The following CACNG7 variants were observed in gnomAD, a reference collection of about 807,000 sequenced individuals.
CACNG7 encodes voltage-dependent calcium channel gamma-7 subunit.
A neutral mutation model predicts 26.3 loss-of-function variants in CACNG7; 9 were observed. That is an observed-to-expected ratio of 0.34 (90% confidence interval 0.21 to 0.60). The LOEUF (loss-of-function observed/expected upper bound fraction) is 0.60, where lower values mean the gene tolerates loss of function less well. Ranked by LOEUF, CACNG7 falls within the 20% of genes least tolerant of loss-of-function variation. CACNG7 has a pLI of 0.81. For missense variants in CACNG7, 297 were observed against 380.4 expected, an observed-to-expected ratio of 0.78 and a Z score of 1.82; for synonymous variants, 170 against 157.0, an observed-to-expected ratio of 1.08 and a Z score of -0.62.
chr19:53,939,814 TATG>T lies in CACNG7; in HGVS notation c.425-1653_425-1651del, dbSNP rs1362628901. Among the ~76,000 whole-genome samples the T allele has an allele frequency of 6.6e-6, 1 of 152,236 alleles. No individual in the cohort carries two copies. Among genetic ancestry groups the T allele is most frequent in the African/African-American group, 2.4e-5 (1 of 41,452 alleles). ...ACCTAGGAGTGGAATTGCTGGGTCA[TATG>T]ATAATTCTATCTTTAACTTTTTGAG... On this transcript the variant is annotated intron_variant, in intron 4 of 5. Coordinates refer to ENST00000391767, the MANE Select transcript of CACNG7 (RefSeq NM_031896.5). The surrounding 1 kb of genome is among the most constrained non-coding windows in gnomAD (Gnocchi z 4.2).
chr19:53,933,170 C>T (rs2069084437), intron 4 of CACNG7, among the ~76,000 whole-genome samples: 1 of 151,600 alleles, frequency 6.6e-6, no homozygotes, highest in Non-Finnish European at 1.5e-5. Flanking sequence ...TGCAGTGGTG[C>T]AATCTCGGCT....
chr19:53,942,099 C>A lies in CACNG7; in HGVS notation c.634C>A (p.Pro212Thr). 6.2e-7 allele frequency: 1 copy of A among 1,613,986 alleles called. No homozygotes were observed. The highest frequency in any genetic ancestry group is 1.3e-5 in the African/African-American group (1 of 75,028). Residue 212 changes from proline to threonine, a missense_variant, in exon 6 of 6, where the codon CCA (proline) becomes ACA (threonine). Physicochemically the swap from Pro to Thr is conservative, Grantham distance 38 (BLOSUM62 -1). Coordinates refer to ENST00000391767, the MANE Select transcript of CACNG7 (RefSeq NM_031896.5). The surrounding 1 kb of genome is among the most constrained non-coding windows in gnomAD (Gnocchi z 5.9). ...KRYAEEEMYR[P>T]HPAFYRPRLS... is the part of the protein sequence containing the mutation. ...CTACGCGGAGGAGGAGATGTACCGT[C>A]CACACCCGGCCTTCTACCGCCCGCG...
intron 4 of CACNG7, among the ~76,000 whole-genome samples, chr19:53,926,276 A>C (rs552593743): frequency 6.6e-6 from 1 of 151,976 alleles, no homozygotes; most frequent in Non-Finnish European, 1.5e-5. Context: ...CTCTGACCTC[A>C]TCTCCTCACC....
At chr19:53,915,017 TAAATA>T (rs2068886453) in intron 3 of CACNG7, among the ~76,000 whole-genome samples, 2 of 93,244 alleles carry the variant, frequency 2.1e-5, no homozygotes, top group Non-Finnish European at 5.0e-5. Flanking sequence ...AAAAAAAAAA[TAAATA>T]AAAGGAAGGA....
rs374274618 is a variant in CACNG7, at chr19:53,920,584, G to C, written c.424+5079G>C. Among the ~76,000 whole-genome samples the C allele has an allele frequency of 4.2e-3, 103 of 24,328 alleles. 5 individuals carry two copies. The highest frequency in any genetic ancestry group is 0.023 in the African/African-American group (48 of 2,046). 16.0% of individuals were successfully genotyped at this position (24,328 alleles called of 152,430 possible). On this transcript the variant is annotated intron_variant, in intron 4 of 5. Transcript: ENST00000391767. The stretch of plus-strand genomic sequence containing the variant: ...GAGTTGTCCCCAGGCCTGGTCATTG[G>C]TGGAGTTGCCCCAGGTCTGGTATTG...
rs995567915 is a variant in CACNG7 at position 53,914,873 on chromosome 19, G to A, written c.283+287G>A. Among the ~76,000 whole-genome samples the A allele has an allele frequency of 2.0e-5, 3 of 151,560 alleles. No individual in the cohort carries two copies. The East Asian group carries it at 5.8e-4, about 29-fold the overall frequency. ...AAAAATTAGCTGGGCGTGGTGGCGC[G>A]TGCCTGTAGTCCCAGCTACTCAGGA... On this transcript the variant is annotated intron_variant, in intron 3 of 5. Coordinates refer to ENST00000391767, the MANE Select transcript of CACNG7 (RefSeq NM_031896.5).
At position 53,914,543 on chromosome 19, in the gene CACNG7, ACCGGAGATCAATT is replaced by A. The variant is rs1225184771; in HGVS notation, c.241_253del (p.Pro81TrpfsTer2). On this transcript the variant is annotated frameshift_variant, in exon 3 of 6. Transcript: ENST00000391767. LOFTEE classifies it high-confidence loss of function. ...GTGTGGCCTCAGAATATTTTCTTGAACCGGAGATCAATTTGGTGACGGAAAACACGGAGAATAT... is the reference window on the plus strand; with the variant it reads ...GTGTGGCCTCAGAATATTTTCTTGAATGGTGACGGAAAACACGGAGAATAT... The A allele has an allele frequency of 6.2e-7, 1 of 1,614,136 alleles. No homozygotes were observed. The highest frequency in any genetic ancestry group is 1.1e-5 in the South Asian group (1 of 91,078).
At chr19:53,930,472 A>C (rs1236996581) in intron 4 of CACNG7, among the ~76,000 whole-genome samples, 2 of 151,664 alleles carry the variant, frequency 1.3e-5, no homozygotes, top group African/African-American at 4.8e-5. Context: ...TCCCAGGTAC[A>C]CAAGATTCTC....
intron 4 of CACNG7, among the ~76,000 whole-genome samples, chr19:53,928,650 G>A (rs188674883): frequency 1.3e-5 from 2 of 152,230 alleles, no homozygotes; most frequent in East Asian, 3.9e-4. Context: ...TGAGGCAGGT[G>A]TTGTCAGCAG....
rs754071753 is a variant in CACNG7 at position 53,915,464 on chromosome 19, C to T, written c.383C>T (p.Thr128Ile). Residue 128 changes from threonine to isoleucine, a missense_variant, in exon 4 of 6, where the codon ACC becomes ATC. By Grantham distance (89) the Thr-to-Ile change is moderately conservative. Coordinates refer to ENST00000391767, the MANE Select transcript of CACNG7 (RefSeq NM_031896.5). ...SNIGHIRPQR[T>I]ILAFVSGIFF... The stretch of plus-strand genomic sequence containing the variant: ...ATCGGCCACATCCGCCCGCAGAGGA[C>T]CATTCTGGCTTTTGTCTCTGGCATC... The T allele has an allele frequency of 6.2e-7, 1 of 1,614,154 alleles. No individual in the cohort carries two copies. The highest frequency in any genetic ancestry group is 1.1e-5 in the South Asian group (1 of 91,072).
rs375229360 is a variant in CACNG7, at chr19:53,942,334, C to T, written c.*41C>T. 6.3e-4 allele frequency: 924 copies of T among 1,466,350 alleles called. 4 individuals are homozygous for T. Among genetic ancestry groups the T allele is most frequent in the Non-Finnish European group, 7.3e-4 (814 of 1,114,730 alleles). 90.8% of individuals were successfully genotyped at this position (1,466,350 alleles called of 1,614,324 possible). On this transcript the variant is annotated 3_prime_UTR_variant, in exon 6 of 6. Transcript: ENST00000391767. This position sits in a 1 kb window ranked among gnomAD's most constrained non-coding sequence, Gnocchi z 5.9. ...GCTCCCCCTGCCTCCTCCTCCTCCT[C>T]GTCTTAGGGGGGTCTCCCTGCAATG...
chr19:53,913,038 C>T lies in CACNG7; in HGVS notation c.196+11C>T. On this transcript the variant is annotated intron_variant, in intron 2 of 5. Coordinates refer to ENST00000391767, the MANE Select transcript of CACNG7 (RefSeq NM_031896.5). ...TCTGCTTCTTTGCAGGTACAGCCCT[C>T]ACCCGTCTTCCACTCAACAGTTTCT... is the stretch of plus-strand genomic sequence containing the variant. The T allele has an allele frequency of 6.2e-7, 1 of 1,602,106 alleles. No individual in the cohort carries two copies. The highest frequency in any genetic ancestry group is 8.5e-7 in the Non-Finnish European group (1 of 1,170,830).
intron 4 of CACNG7, among the ~76,000 whole-genome samples, chr19:53,927,208 C>G (rs2069037785): frequency 6.6e-6 from 1 of 152,118 alleles, no homozygotes; most frequent in Admixed American, 6.6e-5. Flanking sequence ...GCGTGAGCCA[C>G]TGCGGCGCAG....
chr19:53,942,438 C>T lies in CACNG7; in HGVS notation c.*145C>T. The T allele has an allele frequency of 1.3e-6, 2 of 1,488,668 alleles. No homozygotes were observed. The highest frequency in any genetic ancestry group is 1.8e-6 in the Non-Finnish European group (2 of 1,126,068). 92.2% of individuals were successfully genotyped at this position (1,488,668 alleles called of 1,614,324 possible). On this transcript the variant is annotated 3_prime_UTR_variant, in exon 6 of 6. Transcript: ENST00000391767. The surrounding 1 kb of genome is among the most constrained non-coding windows in gnomAD (Gnocchi z 5.9). ...CCAGCTTTAGGCCCCGCCCTCCTCC[C>T]AATGGCTCCGCCCACAGACTCCCTT...
chr19:53,914,512 G>C lies in CACNG7; in HGVS notation c.209G>C (p.Gly70Ala). The change falls in exon 3 of 6, where the codon GGT (glycine) becomes GCT (alanine). Residue 70 changes from glycine (G) to alanine (A), a missense_variant. Coordinates refer to ENST00000391767, the MANE Select transcript of CACNG7 (RefSeq NM_031896.5). ...CTCTTCCCCCCAGGTCGGGAGAAAG[G>C]TCGCTGTGTGGCCTCAGAATATTTT... ...RVCFFAGREK[G>A]RCVASEYFLE... The C allele has an allele frequency of 1.2e-6, 2 of 1,614,104 alleles. No individual in the cohort carries two copies. Among genetic ancestry groups the C allele is most frequent in the South Asian group, 2.2e-5 (2 of 91,080 alleles).
At chr19:53,916,630 A>T (rs566007072) in intron 4 of CACNG7, among the ~76,000 whole-genome samples, 2 of 149,290 alleles carry the variant, frequency 1.3e-5, no homozygotes, top group East Asian at 3.9e-4. Flanking sequence ...CTGGGATTAC[A>T]GGCATGTGCC....
chr19:53,935,009 A>G (rs2069096243), intron 4 of CACNG7, among the ~76,000 whole-genome samples: 1 of 152,004 alleles, frequency 6.6e-6, no homozygotes, highest in African/African-American at 2.4e-5. Flanking sequence ...ATATATATAT[A>G]GATCTATATA....
At position 53,940,559 on chromosome 19, in the gene CACNG7, A is replaced by AG. The variant is rs1296433559; in HGVS notation, c.425-910dup. On this transcript the variant is annotated intron_variant, in intron 4 of 5. Transcript: ENST00000391767. The surrounding 1 kb of genome is among the most constrained non-coding windows in gnomAD (Gnocchi z 4.1). ...TGCTACAAACTTTGTGTAGCTCCCT[A>AG]GCACCCTTGGCGTCAACACCCAGCT... is the stretch of plus-strand genomic sequence containing the variant. 1.3e-5 allele frequency among the ~76,000 whole-genome samples: 2 copies of AG among 152,082 alleles called. No homozygotes were observed. Among genetic ancestry groups the AG allele is most frequent in the East Asian group, 3.9e-4 (2 of 5,164 alleles).
intron 4 of CACNG7, among the ~76,000 whole-genome samples, chr19:53,923,677 G>C (rs1428277812): frequency 2.0e-4 from 28 of 142,884 alleles, no homozygotes; most frequent in African/African-American, 3.7e-4. Flanking sequence ...GTCATTGGTG[G>C]AGTTGTCCCA....
Sources: gnomAD v4.1 joint callset for allele counts (sites outside exome capture counted in the v4.1 genomes callset) on GRCh38, gnomAD v4.1.1 for gene constraint, Gnocchi (gnomAD v3.1) non-coding constraint, MANE v1.5 for transcripts, NCBI Gene and HGNC (gene_info 2026-07-23, HGNC 2026-07-21) for gene names.